The following CTNNA3 variants were observed in gnomAD, a reference collection of about 807,000 sequenced individuals.
CTNNA3 encodes catenin alpha-3.
CTNNA3 carries 76 observed loss-of-function variants against 95.7 expected under a neutral mutation model. The ratio of observed to expected loss-of-function variants is 0.79; its 90% CI spans 0.66 to 0.96. CTNNA3 has a LOEUF of 0.96. CTNNA3 is among the 40% of genes least tolerant of loss of function. The probability of loss-of-function intolerance (pLI) is 0.00; values close to 1 mark genes in which losing one functional copy is unlikely to be tolerated. For missense variants in CTNNA3, 1,191 were observed against 1,089.8 expected (o/e 1.09, Z -1.31); for synonymous variants, 431 against 374.4 (o/e 1.15, Z -1.74).
rs138149964 is a variant in CTNNA3 at position 66,728,002 on chromosome 10, C to T, written c.1281+38262G>A. Among the ~76,000 whole-genome samples the T allele has an allele frequency of 6.4e-4, 98 of 152,174 alleles. 1 individual carries two copies. Among genetic ancestry groups the T allele is most frequent in the South Asian group, 5.2e-3 (25 of 4,822 alleles). On this transcript the variant is annotated intron_variant, in intron 9 of 17. Transcript: ENST00000433211. ...AATTTTGGAATTAAAAGTAGTAGGA[C>T]GCTTACATCATATCCCTCACTAAAT...
At chr10:66,029,190 G>A (rs757838271) in intron 15 of CTNNA3, among the ~76,000 whole-genome samples, 6 of 151,996 alleles carry the variant, frequency 3.9e-5, no homozygotes. Flanking sequence ...TTTTTACTTG[G>A]ATATTTGCTT....
At chr10:67,283,558 G>A (rs1332095330) in intron 5 of CTNNA3, among the ~76,000 whole-genome samples, 6 of 152,132 alleles carry the variant, frequency 3.9e-5, no homozygotes, top group Non-Finnish European at 1.5e-5. Context: ...GGAAGAATCA[G>A]GATATAAGAG....
chr10:66,207,313 CA>C (rs1163829707), intron 13 of CTNNA3, among the ~76,000 whole-genome samples: 2 of 151,810 alleles, frequency 1.3e-5, no homozygotes, highest in African/African-American at 2.4e-5. Context: ...TTTTATAAAA[CA>C]AAACATGTGT....
At chr10:67,628,099 T>G (rs1052003052) in intron 2 of CTNNA3, among the ~76,000 whole-genome samples, 5 of 151,366 alleles carry the variant, frequency 3.3e-5, no homozygotes, top group African/African-American at 1.2e-4. Flanking sequence ...AATATTAAAT[T>G]TATTTAAAAT....
intron 7 of CTNNA3, among the ~76,000 whole-genome samples, chr10:66,821,900 G>T (rs1842315609): frequency 1.3e-5 from 2 of 152,102 alleles, no homozygotes; most frequent in Admixed American, 1.3e-4. Context: ...CACAGAAGTT[G>T]CTAAACAAGT....
chr10:66,550,458 A>C (rs1234512207), intron 10 of CTNNA3, among the ~76,000 whole-genome samples: 1 of 152,162 alleles, frequency 6.6e-6, no homozygotes, highest in African/African-American at 2.4e-5. Flanking sequence ...CTAATTTAGC[A>C]AAAATCGTTT....
chr10:66,031,677 T>C (rs1234986568), intron 15 of CTNNA3, among the ~76,000 whole-genome samples: 2 of 152,178 alleles, frequency 1.3e-5, no homozygotes, highest in Admixed American at 6.5e-5. Context: ...AGTATATGCA[T>C]GTAACATATC....
chr10:67,268,339 TAAATTAAATTAAATTAAATA>T (rs1381215688), intron 5 of CTNNA3, among the ~76,000 whole-genome samples: 8 of 150,266 alleles, frequency 5.3e-5, no homozygotes, highest in African/African-American at 2.0e-4. Flanking sequence ...TAAATTAAAT[TAAATTAAATTAAATTAAATA>T]AATAAATAAA....
At chr10:67,634,791 A>T (rs1190505020) in intron 2 of CTNNA3, among the ~76,000 whole-genome samples, 2 of 152,220 alleles carry the variant, frequency 1.3e-5, no homozygotes, top group Admixed American at 1.3e-4. Flanking sequence ...TCCTATATAC[A>T]TACACACAAT....
intron 7 of CTNNA3, among the ~76,000 whole-genome samples, chr10:67,130,690 G>A (rs2132017558): frequency 6.6e-6 from 1 of 152,216 alleles, no homozygotes; most frequent in African/African-American, 2.4e-5. Flanking sequence ...GCATAGTTAT[G>A]TTGAGCATGG....
intron 15 of CTNNA3, among the ~76,000 whole-genome samples, chr10:66,022,984 G>A (rs7074141): frequency 0.2 from 30,727 of 152,024 alleles, 3,492 homozygotes; most frequent in East Asian, 0.51. Flanking sequence ...ATATCACTTG[G>A]AGTAGAACAC....
At chr10:66,092,930 C>A (rs1470906680) in intron 14 of CTNNA3, among the ~76,000 whole-genome samples, 2 of 151,728 alleles carry the variant, frequency 1.3e-5, no homozygotes, top group East Asian at 1.9e-4. Flanking sequence ...AAAAAGATAT[C>A]TTTTTAATTT....
intron 3 of CTNNA3, among the ~76,000 whole-genome samples, chr10:67,559,634 G>C (rs1040876532): frequency 9.2e-5 from 14 of 152,200 alleles, no homozygotes; most frequent in Non-Finnish European, 1.6e-4. Context: ...AACGAAGCTG[G>C]ACGGAGAATG....
At chr10:66,586,070 T>C (rs74143424) in intron 10 of CTNNA3, among the ~76,000 whole-genome samples, 4,795 of 152,228 alleles carry the variant, frequency 0.031, 244 homozygotes, top group African/African-American at 0.11. Context: ...GAAGTGTCTT[T>C]CTCAGATGCC....
At chr10:66,733,179 G>GA (rs71466894) in intron 9 of CTNNA3, among the ~76,000 whole-genome samples, 2,470 of 152,038 alleles carry the variant, frequency 0.016, 67 homozygotes, top group Non-Finnish European at 0.015. Flanking sequence ...AAAAAAAGAA[G>GA]AAAAAACAAA....
At chr10:67,654,732 A>G (rs963885550) in intron 1 of CTNNA3, among the ~76,000 whole-genome samples, 1 of 152,144 alleles carries the variant, frequency 6.6e-6, no homozygotes, top group African/African-American at 2.4e-5. Context: ...TTAAATCTGG[A>G]CCAGTAAAGT....
intron 5 of CTNNA3, among the ~76,000 whole-genome samples, chr10:67,402,109 A>G (rs961588450): frequency 3.9e-5 from 6 of 152,236 alleles, no homozygotes; most frequent in Admixed American, 3.3e-4. Context: ...CTGAAATGAC[A>G]GACATAGAAT....
chr10:66,776,373 C>T (rs1382945781), intron 7 of CTNNA3, among the ~76,000 whole-genome samples: 3 of 152,068 alleles, frequency 2.0e-5, no homozygotes, highest in African/African-American at 4.8e-5. Context: ...ATCAGGAAGG[C>T]AAGTTTAAGC....
At chr10:66,784,129 T>C (rs1318570029) in intron 7 of CTNNA3, among the ~76,000 whole-genome samples, 2 of 152,190 alleles carry the variant, frequency 1.3e-5, no homozygotes, top group African/African-American at 2.4e-5. Context: ...AAAATAAGAA[T>C]ACAATGGATG....
Sources: gnomAD v4.1 joint callset for allele counts (sites outside exome capture counted in the v4.1 genomes callset) on GRCh38, gnomAD v4.1.1 for gene constraint, MANE v1.5 for transcripts, NCBI Gene and HGNC (gene_info 2026-07-23, HGNC 2026-07-21) for gene names.